CPA4: variants seen among roughly 807,000 people sequenced by gnomAD.
CPA4 encodes carboxypeptidase A4, also known as carboxypeptidase A3.
In CPA4, 49 loss-of-function variants were observed where a neutral mutation model predicts 54.7. The ratio of observed to expected loss-of-function variants is 0.90; its 90% CI spans 0.71 to 1.14. The LOEUF (loss-of-function observed/expected upper bound fraction) is 1.14. Among genes scored for constraint, CPA4 ranks in the 50% most tolerant of loss-of-function variants. The probability of loss-of-function intolerance (pLI) is 0.00; values close to 1 mark genes in which losing one functional copy is unlikely to be tolerated. For missense variants in CPA4, 487 were observed against 525.1 expected (o/e 0.93, Z 0.71); for synonymous variants, 215 against 206.8 (o/e 1.04, Z -0.34).
intron 2 of CPA4, among the ~76,000 whole-genome samples, 194 bp from the exon 3 acceptor site, chr7:130,299,076 C>T (rs1331760777): frequency 6.6e-6 from 1 of 152,230 alleles, no homozygotes. Context: ...ACTTATGACT[C>T]TTGGTCTCTG....
At chr7:130,316,922 A>G (rs897853313) in intron 10 of CPA4, among the ~76,000 whole-genome samples, 1 of 151,850 alleles carries the variant, frequency 6.6e-6, no homozygotes, top group African/African-American at 2.4e-5. Flanking sequence ...AAAAAAAAAA[A>G]AAAAAATTGA....
rs1424154659 is a variant in CPA4, at chr7:130,323,784, A to G, written c.*1108A>G. 6.6e-6 allele frequency: 1 copy of G among 152,230 alleles called. No individual in the cohort carries two copies. The highest frequency in any genetic ancestry group is 1.5e-5 in the Non-Finnish European group (1 of 68,102). 9.4% of individuals were successfully genotyped at this position (152,230 alleles called of 1,614,324 possible). On this transcript the variant is annotated 3_prime_UTR_variant, in exon 11 of 11. Transcript: ENST00000222482. ...TTTGCCTTTTGAACTCACTTCAAAG[A>G]TCTAGGCCTCATCTTACAGGTCCTA...
intron 4 of CPA4, 70 bp downstream of exon 4, chr7:130,300,984 TC>T: frequency 1.1e-6 from 1 of 937,978 alleles, no homozygotes; most frequent in Non-Finnish European, 1.7e-6. Flanking sequence ...TCTCCTTACT[TC>T]CAGGAGACAT....
chr7:130,295,941 T>G (rs1793641933), intron 1 of CPA4, among the ~76,000 whole-genome samples: 1 of 152,208 alleles, frequency 6.6e-6, no homozygotes, highest in South Asian at 2.1e-4. Flanking sequence ...ATCGTGCTAT[T>G]GCACTCCAGC....
intron 10 of CPA4, among the ~76,000 whole-genome samples, chr7:130,314,904 A>G (rs949240774): frequency 6.6e-6 from 1 of 151,990 alleles, no homozygotes; most frequent in Non-Finnish European, 1.5e-5. Flanking sequence ...TTTCTTCGGG[A>G]TTCGGGTGAG....
intron 10 of CPA4, among the ~76,000 whole-genome samples, chr7:130,317,953 C>T (rs1352415275): frequency 1.3e-5 from 2 of 152,200 alleles, no homozygotes; most frequent in African/African-American, 4.8e-5. Flanking sequence ...ACCCCCCGGG[C>T]CCTCCTCTGG....
chr7:130,322,413 G>C, intron 10 of CPA4, 76 bp from the exon 11 acceptor site: 1 of 1,241,266 alleles, frequency 8.1e-7, no homozygotes. Flanking sequence ...CCCCAGGCAG[G>C]CAGAGCTCTT....
intron 1 of CPA4, 125 bp from the exon 2 acceptor site, chr7:130,298,621 A>C (rs1168180820): frequency 1.6e-6 from 1 of 621,442 alleles, no homozygotes; most frequent in Admixed American, 2.8e-5. Flanking sequence ...CATTAAAACC[A>C]AAGACTAGAC....
chr7:130,312,085 C>CT lies in CPA4; in HGVS notation c.1041_1042insT (p.Thr348TyrfsTer2). ...CCAAAGCTCTGGCTTCTGTGTCGGG[C>CT]ACTGAGTACCAAGTGGGTCCCACCT... is the stretch of plus-strand genomic sequence containing the variant. On this transcript the variant is annotated frameshift_variant, in exon 10 of 11. Coordinates refer to ENST00000222482, the MANE Select transcript of CPA4 (RefSeq NM_016352.4). LOFTEE classifies it high-confidence loss of function. The CT allele has an allele frequency of 6.2e-7, 1 of 1,614,092 alleles. No homozygotes were observed. The highest frequency in any genetic ancestry group is 1.1e-5 in the South Asian group (1 of 91,078).
At chr7:130,307,796 T>A (rs1378536345) in intron 7 of CPA4, among the ~76,000 whole-genome samples, 1 of 152,174 alleles carries the variant, frequency 6.6e-6, no homozygotes, top group East Asian at 1.9e-4. Flanking sequence ...AGAAGCCAAG[T>A]AATTTGTCTT....
chr7:130,322,492 C>T lies in CPA4; in HGVS notation c.1082C>T (p.Pro361Leu). The T allele has an allele frequency of 1.6e-5, 25 of 1,612,734 alleles. No individual in the cohort carries two copies. Among genetic ancestry groups the T allele is most frequent in the Non-Finnish European group, 2.0e-5 (24 of 1,179,170 alleles). Residue 361 changes from proline to leucine, a missense_variant, in exon 11 of 11, where the codon CCA (proline) becomes CTA (leucine). By Grantham distance (98) the Pro-to-Leu change is moderately conservative. Transcript: ENST00000222482. ...TGTTTTGTCCTCCGACTTACAGATC[C>T]AGCTAGCGGGAGCAGCATCGACTGG... is the stretch of plus-strand genomic sequence containing the variant. ...QVGPTCTTVY[P>L]ASGSSIDWAY...
In CPA4 at chr7:130,312,056, G is replaced by A; in HGVS notation, c.1012G>A (p.Ala338Thr). Residue 338 changes from alanine to threonine, a missense_variant, in exon 10 of 11, where the codon GCG (alanine) becomes ACG (threonine). Ala to Thr is a moderately conservative substitution (Grantham distance 58). Transcript: ENST00000222482. ...TTCCCAGGACAAGGTGGCGAGGCTTGCGGCCAAAGCTCTGGCTTCTGTGTC... is the reference window on the plus strand; with the variant it reads ...TTCCCAGGACAAGGTGGCGAGGCTTACGGCCAAAGCTCTGGCTTCTGTGTC... ...AEELDKVARL[A>T]AKALASVSGT... is the part of the protein sequence containing the mutation. 1 of 1,614,170 alleles carries A rather than the reference G, an allele frequency of 6.2e-7. No individual in the cohort carries two copies. Among genetic ancestry groups the A allele is most frequent in the Non-Finnish European group, 8.5e-7 (1 of 1,180,010 alleles).
At chr7:130,307,129 CT>C (rs765083223) in intron 7 of CPA4, among the ~76,000 whole-genome samples, 74 of 152,254 alleles carry the variant, frequency 4.9e-4, no homozygotes, top group South Asian at 1.9e-3. Context: ...TTTTACAAAT[CT>C]TTTCATCTCT....
chr7:130,300,250 G>A (rs1286288351), intron 3 of CPA4, among the ~76,000 whole-genome samples: 2 of 152,092 alleles, frequency 1.3e-5, no homozygotes, highest in Non-Finnish European at 2.9e-5. Context: ...TCATACTATA[G>A]GATAGCCAAA....
rs993453533 is a variant in CPA4, at chr7:130,306,826, A to G, written c.631A>G (p.Ile211Val). The G allele has an allele frequency of 1.2e-6, 2 of 1,611,424 alleles. No individual in the cohort carries two copies. Among genetic ancestry groups the G allele is most frequent in the African/African-American group, 1.3e-5 (1 of 74,878 alleles). Reference protein sequence around the residue: ...DYQRDPAITSILEKMDIFLLP... With the variant: ...DYQRDPAITSVLEKMDIFLLP... Reference sequence around the variant, plus strand: ...CCAGAGGGATCCAGCTATCACCTCCATCTTGGAGAAAATGGATATTTTCTT... The same window carrying G: ...CCAGAGGGATCCAGCTATCACCTCCGTCTTGGAGAAAATGGATATTTTCTT... The change falls in exon 7 of 11, where the codon ATC becomes GTC. Residue 211 changes from isoleucine to valine, a missense_variant. Ile to Val is a conservative substitution (Grantham distance 29, BLOSUM62 3). Coordinates refer to ENST00000222482, the MANE Select transcript of CPA4 (RefSeq NM_016352.4).
intron 1 of CPA4, among the ~76,000 whole-genome samples, chr7:130,297,899 C>T (rs1021586071): frequency 4.7e-4 from 72 of 152,342 alleles, no homozygotes; most frequent in African/African-American, 1.6e-3. Context: ...CTCCCACCCA[C>T]ACACAGGACT....
At chr7:130,316,623 T>C (rs1423412183) in intron 10 of CPA4, among the ~76,000 whole-genome samples, 1 of 152,114 alleles carries the variant, frequency 6.6e-6, no homozygotes, top group Non-Finnish European at 1.5e-5. Context: ...GATCAGAGCA[T>C]GAGTGTTGGT....
intron 10 of CPA4, among the ~76,000 whole-genome samples, chr7:130,319,192 C>T (rs931449223): frequency 6.6e-6 from 1 of 152,188 alleles, no homozygotes; most frequent in African/African-American, 2.4e-5. Flanking sequence ...GCAACCCTTT[C>T]CCCTCCTCTT....
chr7:130,300,438 C>T (rs572877791), intron 3 of CPA4, among the ~76,000 whole-genome samples: 11 of 150,498 alleles, frequency 7.3e-5, no homozygotes, highest in East Asian at 5.9e-4. Context: ...CTGGTTCAAG[C>T]GATTCTCCTG....
Sources: allele counts gnomAD v4.1 joint callset (sites outside exome capture counted in the v4.1 genomes callset), GRCh38; gene constraint gnomAD v4.1.1; transcripts MANE v1.5; gene names NCBI Gene and HGNC (gene_info 2026-07-23, HGNC 2026-07-21).